HEATR4: variants seen among roughly 807,000 people sequenced by gnomAD.
The protein encoded by HEATR4 is HEAT repeat containing 4.
A neutral mutation model predicts 108.8 loss-of-function variants in HEATR4; 95 were observed. That is an observed-to-expected ratio of 0.87 (90% confidence interval 0.74 to 1.04). The LOEUF (loss-of-function observed/expected upper bound fraction) is 1.04. Ranked by LOEUF, HEATR4 falls within the 50% of genes least tolerant of loss-of-function variation. HEATR4 has a pLI of 0.00. For missense variants in HEATR4, 1,152 were observed against 1,253.8 expected (o/e 0.92, Z 1.23); for synonymous variants, 443 against 459.4 (o/e 0.96, Z 0.46).
At chr14:73,505,362 G>A (rs1280649404) in intron 10 of HEATR4, among the ~76,000 whole-genome samples, 1 of 151,794 alleles carries the variant, frequency 6.6e-6, no homozygotes, top group Non-Finnish European at 1.5e-5. Context: ...TGTTAATTTT[G>A]TGAAAGTTGG....
intron 2 of HEATR4, among the ~76,000 whole-genome samples, chr14:73,524,308 A>T (rs373744853): frequency 0.03 from 2,499 of 82,742 alleles, 33 homozygotes; most frequent in Middle Eastern, 0.074. Context: ...AAAAAAAAAA[A>T]AAATATATAT....
the HEATR4 span, among the ~76,000 whole-genome samples, chr14:73,625,794 C>G: frequency 2.0e-5 from 3 of 152,222 alleles, no homozygotes; most frequent in South Asian, 6.2e-4. Context: ...GCTCCACCAA[C>G]TGGCCTTTCC....
At chr14:73,576,156 G>A in the HEATR4 span, among the ~76,000 whole-genome samples, 1 of 151,918 alleles carries the variant, frequency 6.6e-6, no homozygotes, top group South Asian at 2.1e-4. Context: ...GCAACAGCAA[G>A]ACTCTGCCTC....
At chr14:73,618,248 C>CT in the HEATR4 span, among the ~76,000 whole-genome samples, 2 of 152,134 alleles carry the variant, frequency 1.3e-5, no homozygotes, top group South Asian at 4.1e-4. Flanking sequence ...TCCAGACATT[C>CT]TAATGTTAAG....
At chr14:73,622,312 C>T in the HEATR4 span, among the ~76,000 whole-genome samples, 1 of 152,120 alleles carries the variant, frequency 6.6e-6, no homozygotes, top group African/African-American at 2.4e-5. Flanking sequence ...CGATTTCTTC[C>T]TTACAGATAA....
At position 73,522,385 on chromosome 14, in the gene HEATR4, C is replaced by T. The variant is rs765777563; in HGVS notation, c.768G>A (p.Leu256=). The T allele has an allele frequency of 1.9e-6, 3 of 1,614,226 alleles. No homozygotes were observed. ...CTGCCTCCAGCTGTTTCAGGAGCTCCAGGTCACTGGCAGAGGTAAGCTCAT... is the reference window on the plus strand; with the variant it reads ...CTGCCTCCAGCTGTTTCAGGAGCTCTAGGTCACTGGCAGAGGTAAGCTCAT... ...IRDELTSASD[L]ELLKQLEAEE... Residue 256 remains leucine, a synonymous_variant, in exon 3 of 18, where the codon CTG becomes CTA. Coordinates refer to ENST00000553558, the MANE Select transcript of HEATR4 (RefSeq NM_001220484.1).
At chr14:73,591,801 T>A in the HEATR4 span, 2 of 637,174 alleles carry the variant, frequency 3.1e-6, no homozygotes, top group Middle Eastern at 4.7e-4. Flanking sequence ...AGCGCCGGGT[T>A]AACCGGTCTG....
chr14:73,542,681 C>T (rs1889131032), intron 1 of HEATR4, among the ~76,000 whole-genome samples: 1 of 112,026 alleles, frequency 8.9e-6, no homozygotes, highest in African/African-American at 3.0e-5. Context: ...GTTGGGATTA[C>T]AGGCGTCAGC....
intron 16 of HEATR4, among the ~76,000 whole-genome samples, chr14:73,493,819 C>T (rs1331607079): frequency 6.6e-6 from 1 of 152,214 alleles, no homozygotes; most frequent in Non-Finnish European, 1.5e-5. Flanking sequence ...GCCTGGGCAA[C>T]AGAGCGAGAC....
the HEATR4 span, among the ~76,000 whole-genome samples, chr14:73,590,915 C>T: frequency 1.3e-5 from 2 of 152,140 alleles, no homozygotes; most frequent in African/African-American, 4.8e-5. Flanking sequence ...GCTCCTCAAG[C>T]GCGGCCAGAG....
chr14:73,560,399 C>T (rs1442192320), upstream of HEATR4, among the ~76,000 whole-genome samples: 1 of 152,070 alleles, frequency 6.6e-6, no homozygotes, highest in Non-Finnish European at 1.5e-5. Context: ...CGCTGTGGCT[C>T]ACGCCCATAA....
the HEATR4 span, chr14:73,571,704 G>C: frequency 2.0e-5 from 3 of 151,884 alleles, no homozygotes; most frequent in African/African-American, 7.3e-5. Context: ...CATCGCTGCC[G>C]GGGCACTGGG....
intron 5 of HEATR4, among the ~76,000 whole-genome samples, chr14:73,517,070 CAGG>C (rs1363510635): frequency 6.6e-6 from 1 of 152,160 alleles, no homozygotes; most frequent in East Asian, 1.9e-4. Context: ...CCCTTGTGGC[CAGG>C]AGTTCGAGAC....
chr14:73,505,161 C>T (rs1176720776), intron 10 of HEATR4, among the ~76,000 whole-genome samples: 3 of 152,188 alleles, frequency 2.0e-5, no homozygotes, highest in Admixed American at 1.3e-4. Flanking sequence ...AAGTGATCCA[C>T]CCGCCTCAGC....
the HEATR4 span, among the ~76,000 whole-genome samples, chr14:73,570,349 C>T: frequency 1.3e-5 from 2 of 151,794 alleles, no homozygotes; most frequent in African/African-American, 4.8e-5. Context: ...GCGGGCAGAT[C>T]ACGAGATCAA....
At chr14:73,570,794 ACTT>A in the HEATR4 span, among the ~76,000 whole-genome samples, 25 of 150,406 alleles carry the variant, frequency 1.7e-4, 1 homozygote, top group Non-Finnish European at 3.6e-4. Flanking sequence ...AGTCCCAACT[ACTT>A]AGGAGGTTGA....
chr14:73,547,502 C>T (rs1417382815), intron 1 of HEATR4, among the ~76,000 whole-genome samples: 1 of 115,416 alleles, frequency 8.7e-6, no homozygotes. Context: ...ATCACCACTG[C>T]ACCTGGCCAT....
rs1379806808 is a variant in HEATR4 at position 73,492,265 on chromosome 14, G to T, written c.2844+801C>A. 6.2e-7 allele frequency: 1 copy of T among 1,613,956 alleles called. No individual in the cohort carries two copies. The highest frequency in any genetic ancestry group is 1.1e-5 in the South Asian group (1 of 91,076). Reference sequence around the variant, plus strand: ...AATGCCAGGATGGAGTCCACTCTCTGCACCTCACCTTGTCCACGTACCAGC... The same window carrying T: ...AATGCCAGGATGGAGTCCACTCTCTTCACCTCACCTTGTCCACGTACCAGC... On this transcript the variant is annotated intron_variant, in intron 17 of 17. Coordinates refer to ENST00000553558, the MANE Select transcript of HEATR4 (RefSeq NM_001220484.1). This position sits in a 1 kb window ranked among gnomAD's most constrained non-coding sequence, Gnocchi z 4.9.
At chr14:73,517,634 G>T (rs1350199817) in intron 5 of HEATR4, among the ~76,000 whole-genome samples, 1 of 139,252 alleles carries the variant, frequency 7.2e-6, no homozygotes, top group African/African-American at 2.7e-5. Context: ...GTACCACTGT[G>T]CTCAGCCTGG....
Sources: gnomAD v4.1 joint callset for allele counts (sites outside exome capture counted in the v4.1 genomes callset) on GRCh38, gnomAD v4.1.1 for gene constraint, Gnocchi (gnomAD v3.1) non-coding constraint, MANE v1.5 for transcripts, NCBI Gene and HGNC (gene_info 2026-07-23, HGNC 2026-07-21) for gene names.